Variants in ADARB2 observed in about 807,000 individuals in gnomAD.
ADARB2 encodes inactive double-stranded RNA-specific editase B2.
A neutral mutation model predicts 62.2 loss-of-function variants in ADARB2; 25 were observed. That is an observed-to-expected ratio of 0.40 (90% CI 0.29 to 0.56). The LOEUF is 0.56. ADARB2 is among the 20% of genes least tolerant of loss of function. ADARB2 has a pLI of 0.43. For synonymous variants in ADARB2, 572 were observed against 500.8 expected (o/e 1.14, Z -1.90); for missense variants, 1,071 against 1,077.4 (o/e 0.99, Z 0.08).
chr10:1,534,604 AGTTGGCGGAGCT>A (rs1423586464), intron 1 of ADARB2: 8 of 152,464 alleles, frequency 5.2e-5, no homozygotes, highest in African/African-American at 1.9e-4. Context: ...TCCCTGCATT[AGTTGGCGGAGCT>A]GATGGTGTTC....
chr10:1,625,738 C>G (rs540405760), intron 1 of ADARB2, among the ~76,000 whole-genome samples: 1 of 152,258 alleles, frequency 6.6e-6, no homozygotes, highest in South Asian at 2.1e-4. Context: ...CCGTGGGACC[C>G]AGCCCCAGGT....
chr10:1,304,388 A>C (rs1831605845), intron 3 of ADARB2, among the ~76,000 whole-genome samples: 1 of 150,156 alleles, frequency 6.7e-6, no homozygotes, highest in African/African-American at 2.4e-5. Flanking sequence ...GTCCTGAGTG[A>C]CCTACAAAGA....
chr10:1,356,360 C>A (rs533662206), intron 3 of ADARB2, among the ~76,000 whole-genome samples: 1 of 152,352 alleles, frequency 6.6e-6, no homozygotes, highest in South Asian at 2.1e-4. Flanking sequence ...CCCAGAGACA[C>A]AGGCAGCCAG....
At chr10:1,448,899 C>A (rs1292051947) in intron 1 of ADARB2, among the ~76,000 whole-genome samples, 1 of 152,166 alleles carries the variant, frequency 6.6e-6, no homozygotes, top group Non-Finnish European at 1.5e-5. Flanking sequence ...GACCCCATGA[C>A]TGACATCTCA....
intron 3 of ADARB2, among the ~76,000 whole-genome samples, chr10:1,322,524 GATGATACCT>G (rs1488751914): frequency 2.6e-5 from 4 of 152,186 alleles, no homozygotes; most frequent in Non-Finnish European, 5.9e-5. Context: ...GAAAAGAAGA[GATGATACCT>G]ATGAGGCTAA....
rs369747659 is a variant in ADARB2, at chr10:1,562,638, AC to A, written c.100+174412del. 2.2e-4 allele frequency among the ~76,000 whole-genome samples: 33 copies of A among 152,102 alleles called. No individual in the cohort carries two copies. In the South Asian group the frequency reaches 6.7e-3, roughly 31 times the overall value. ...GAATATTCCTAAAAAGGAGAATGAC[AC>A]CCCCCTGGTTGGAATACTTCCTGGA... On this transcript the variant is annotated intron_variant, in intron 1 of 9. Transcript: ENST00000381312.
At chr10:1,659,778 G>T (rs918522560) in intron 1 of ADARB2, among the ~76,000 whole-genome samples, 2 of 151,092 alleles carry the variant, frequency 1.3e-5, no homozygotes, top group African/African-American at 4.9e-5. Flanking sequence ...GTGAGACTCC[G>T]GGGCAGGGGC....
At chr10:1,303,199 G>C (rs1831592111) in intron 3 of ADARB2, among the ~76,000 whole-genome samples, 1 of 152,222 alleles carries the variant, frequency 6.6e-6, no homozygotes, top group South Asian at 2.1e-4. Flanking sequence ...TGATAGAGCT[G>C]AAAACCAAGG....
chr10:1,591,833 C>T (rs1191193651), intron 1 of ADARB2, among the ~76,000 whole-genome samples: 3 of 152,216 alleles, frequency 2.0e-5, no homozygotes, highest in African/African-American at 7.2e-5. Flanking sequence ...TATTATTCAG[C>T]AATCTCTGTG....
intron 1 of ADARB2, among the ~76,000 whole-genome samples, chr10:1,430,530 T>C (rs1035008234): frequency 1.3e-5 from 2 of 152,150 alleles, no homozygotes; most frequent in African/African-American, 2.4e-5. Flanking sequence ...CAATGACATA[T>C]ATGGATTGAA....
At chr10:1,362,788 G>A (rs56247784) in intron 3 of ADARB2, among the ~76,000 whole-genome samples, 40,504 of 152,098 alleles carry the variant, frequency 0.27, 6,339 homozygotes, top group Non-Finnish European at 0.35. Context: ...CGCCCTGGCC[G>A]CTCCCCACCC....
chr10:1,587,392 T>C, intron 1 of ADARB2, among the ~76,000 whole-genome samples: 2 of 152,280 alleles, frequency 1.3e-5, no homozygotes. Context: ...GTTTTAAATA[T>C]AGGACTTTCT....
At chr10:1,401,649 C>T (rs1005484302) in intron 1 of ADARB2, among the ~76,000 whole-genome samples, 1 of 152,172 alleles carries the variant, frequency 6.6e-6, no homozygotes, top group Non-Finnish European at 1.5e-5. Context: ...TATCCCGTGT[C>T]CCCATTTCTA....
At position 1,184,749 on chromosome 10, in the gene ADARB2, C is replaced by T. The variant is rs1347868452; in HGVS notation, c.2043+112G>A. Reference sequence around the variant, plus strand: ...AAAGGACATGTGATGGGCGCTGTGTCGTGCATCTCCCTCCCTGCAGACCAA... The same window carrying T: ...AAAGGACATGTGATGGGCGCTGTGTTGTGCATCTCCCTCCCTGCAGACCAA... On this transcript the variant is annotated intron_variant, in intron 9 of 9. Coordinates refer to ENST00000381312, the MANE Select transcript of ADARB2 (RefSeq NM_018702.4). 9.0e-6 allele frequency: 11 copies of T among 1,225,972 alleles called. No homozygotes were observed. The South Asian group carries it at 1.2e-4, about 14-fold the overall frequency. The allele number at this position is 1,225,972 out of a possible 1,614,324, so 75.9% of individuals were successfully genotyped here. A position where few individuals can be genotyped will look rare whatever the true frequency, so the allele number is the denominator to read the frequency against.
At chr10:1,700,358 C>T (rs1834805580) in intron 1 of ADARB2, among the ~76,000 whole-genome samples, 1 of 6,360 alleles carries the variant, frequency 1.6e-4, no homozygotes, top group African/African-American at 2.6e-4. Context: ...CCCACTCCAC[C>T]GGGAGACCAG....
rs922862901 is a variant in ADARB2, at chr10:1,669,059, G to T, written c.100+67992C>A. Among the ~76,000 whole-genome samples, 3 of 152,330 alleles carry T rather than the reference G, an allele frequency of 2.0e-5. 1 individual carries two copies. Among genetic ancestry groups the T allele is most frequent in the Middle Eastern group, 3.4e-3 (1 of 294 alleles). On this transcript the variant is annotated intron_variant, in intron 1 of 9. Transcript: ENST00000381312. ...AGGACAACACTGGGGAATTACAAAT[G>T]GAGAGGACATTTTATGCAGCAAGCC...
In ADARB2 at chr10:1,203,074, C is replaced by T. The variant is rs572312030; in HGVS notation, c.1683-2927G>A. On this transcript the variant is annotated intron_variant, in intron 7 of 9. Transcript: ENST00000381312. The stretch of plus-strand genomic sequence containing the variant: ...TTCTGAATATGAGCTGGAGAATTTT[C>T]AGCATTCAGGATTGAATGGAAAAAT... Among the ~76,000 whole-genome samples the T allele has an allele frequency of 9.2e-5, 14 of 152,268 alleles. No homozygotes were observed. In the East Asian group the frequency reaches 2.1e-3, roughly 23 times the overall value.
intron 1 of ADARB2, among the ~76,000 whole-genome samples, chr10:1,563,584 G>A (rs192516569): frequency 3.3e-4 from 50 of 152,218 alleles, no homozygotes; most frequent in African/African-American, 1.0e-3. Flanking sequence ...CTGACTTGAG[G>A]AAGAGAGAGC....
intron 6 of ADARB2, among the ~76,000 whole-genome samples, chr10:1,227,508 A>G (rs1047918839): frequency 2.0e-5 from 3 of 152,156 alleles, no homozygotes; most frequent in African/African-American, 7.2e-5. Context: ...TCACGCTGGG[A>G]GCTGTAGACC....
Sources: allele counts gnomAD v4.1 joint callset (sites outside exome capture counted in the v4.1 genomes callset), GRCh38; gene constraint gnomAD v4.1.1; transcripts MANE v1.5; gene names NCBI Gene and HGNC (gene_info 2026-07-23, HGNC 2026-07-21).